DCLK2: variants seen among roughly 807,000 people sequenced by gnomAD.
DCLK2 encodes doublecortin like kinase 2, also known as serine/threonine-protein kinase DCLK2.
A neutral mutation model predicts 78.4 loss-of-function variants in DCLK2; 31 were observed. The ratio of observed to expected loss-of-function variants is 0.40; its 90% CI spans 0.30 to 0.53. The LOEUF is 0.53. DCLK2 is among the 20% of genes least tolerant of loss of function. The pLI, the probability that DCLK2 is intolerant of heterozygous loss-of-function variation, is 0.61. For missense variants in DCLK2, 872 were observed against 973.7 expected, an observed-to-expected ratio of 0.90 and a Z score of 1.39; for synonymous variants, 407 against 374.9, an observed-to-expected ratio of 1.09 and a Z score of -0.99.
At chr4:150,195,434 T>TAG (rs1491153176) in intron 3 of DCLK2, among the ~76,000 whole-genome samples, 121 of 6,756 alleles carry the variant, frequency 0.018, 26 homozygotes, top group African/African-American at 0.043. Flanking sequence ...TATTATATAT[T>TAG]ATATATATAA....
chr4:150,248,627 C>T (rs1364129934), intron 14 of DCLK2, among the ~76,000 whole-genome samples: 1 of 152,194 alleles, frequency 6.6e-6, no homozygotes, highest in African/African-American at 2.4e-5. Context: ...TTCTTGGCCC[C>T]AGTTTCCTTA....
chr4:150,112,023 TA>T (rs1731732050), intron 2 of DCLK2, among the ~76,000 whole-genome samples: 1 of 152,194 alleles, frequency 6.6e-6, no homozygotes, highest in Non-Finnish European at 1.5e-5. Context: ...GGTATTTTCA[TA>T]AAAATAGCGT....
chr4:150,137,516 C>T (rs1040911668), intron 2 of DCLK2, among the ~76,000 whole-genome samples: 3 of 152,118 alleles, frequency 2.0e-5, no homozygotes, highest in Non-Finnish European at 4.4e-5. Context: ...GTGAATAGTG[C>T]AATCTCTCAT....
chr4:150,107,378 G>GTTTTTTTTT (rs201080236), intron 2 of DCLK2, among the ~76,000 whole-genome samples: 3 of 125,178 alleles, frequency 2.4e-5, no homozygotes, highest in South Asian at 2.7e-4. Context: ...TTTGGTTATT[G>GTTTTTTTTT]TTTTTTTTTT....
intron 2 of DCLK2, among the ~76,000 whole-genome samples, chr4:150,135,136 A>G (rs2150203760): frequency 6.7e-6 from 1 of 149,710 alleles, no homozygotes; most frequent in Admixed American, 6.7e-5. Flanking sequence ...GGAGCAGTGG[A>G]AAAAAAACAC....
intron 2 of DCLK2, among the ~76,000 whole-genome samples, chr4:150,130,971 G>T (rs1426257074): frequency 6.6e-6 from 1 of 152,152 alleles, no homozygotes. Context: ...GCCACTAAAT[G>T]TTGAACAAAT....
intron 2 of DCLK2, among the ~76,000 whole-genome samples, chr4:150,136,278 G>A (rs918447136): frequency 2.6e-5 from 4 of 152,228 alleles, no homozygotes; most frequent in African/African-American, 9.6e-5. Flanking sequence ...CGGTCCCTCT[G>A]AATGATAAAG....
chr4:150,177,582 C>G (rs940508456), intron 2 of DCLK2, among the ~76,000 whole-genome samples: 1 of 152,108 alleles, frequency 6.6e-6, no homozygotes, highest in Non-Finnish European at 1.5e-5. Context: ...AAGAATTTAT[C>G]TTTGCAGTTT....
intron 4 of DCLK2, among the ~76,000 whole-genome samples, chr4:150,199,618 A>G (rs1368826634): frequency 6.6e-6 from 1 of 152,240 alleles, no homozygotes; most frequent in Non-Finnish European, 1.5e-5. Flanking sequence ...CTAGAGTTAT[A>G]GACTCAACCT....
intron 2 of DCLK2, among the ~76,000 whole-genome samples, chr4:150,138,109 T>G (rs1733825755): frequency 6.6e-6 from 1 of 152,250 alleles, no homozygotes; most frequent in South Asian, 2.1e-4. Flanking sequence ...GGTTAGTTAT[T>G]AAGCAATAAA....
chr4:150,117,264 C>T (rs760939495), intron 2 of DCLK2, among the ~76,000 whole-genome samples: 5 of 152,102 alleles, frequency 3.3e-5, no homozygotes, highest in Admixed American at 6.5e-5. Context: ...CCAGCTCCCA[C>T]GCACTTGGCA....
At chr4:150,087,462 G>A (rs1729728301) in intron 1 of DCLK2, among the ~76,000 whole-genome samples, 1 of 152,168 alleles carries the variant, frequency 6.6e-6, no homozygotes, top group Admixed American at 6.5e-5. Context: ...GGCCAAGGAG[G>A]TTTGCTGAAA....
intron 2 of DCLK2, among the ~76,000 whole-genome samples, chr4:150,128,681 G>C (rs996257418): frequency 6.6e-6 from 1 of 152,104 alleles, no homozygotes; most frequent in Non-Finnish European, 1.5e-5. Flanking sequence ...CTTTATTCCA[G>C]ATAGGAAGCA....
intron 2 of DCLK2, among the ~76,000 whole-genome samples, chr4:150,151,039 G>C (rs1359801919): frequency 6.6e-6 from 1 of 152,206 alleles, no homozygotes; most frequent in African/African-American, 2.4e-5. Context: ...TGCCCTGCTT[G>C]TCGCCAGCTC....
intron 2 of DCLK2, 70 bp downstream of exon 2, chr4:150,102,882 C>T: frequency 7.2e-7 from 1 of 1,394,002 alleles, no homozygotes; most frequent in Non-Finnish European, 9.6e-7. Context: ...GCTACATAGT[C>T]AACAATAGAA....
intron 10 of DCLK2, among the ~76,000 whole-genome samples, chr4:150,235,685 A>G (rs1742447402): frequency 1.3e-5 from 2 of 152,308 alleles, no homozygotes; most frequent in African/African-American, 4.8e-5. Context: ...ATCACTTGGC[A>G]GTTTCTAGAT....
chr4:150,219,723 A>T (rs933037171), intron 5 of DCLK2, among the ~76,000 whole-genome samples: 8 of 152,188 alleles, frequency 5.3e-5, no homozygotes, highest in Admixed American at 3.3e-4. Flanking sequence ...CACTGTTACT[A>T]CCTCCATTTT....
At chr4:150,147,640 A>G (rs1028328755) in intron 2 of DCLK2, among the ~76,000 whole-genome samples, 7 of 147,844 alleles carry the variant, frequency 4.7e-5, no homozygotes, top group Non-Finnish European at 7.5e-5. Flanking sequence ...ATTCAGTCCC[A>G]TTATGTACAA....
intron 10 of DCLK2, 121 bp from the exon 11 acceptor site, chr4:150,239,621 A>T: frequency 7.7e-7 from 1 of 1,306,184 alleles, no homozygotes. Flanking sequence ...AATCACAAGG[A>T]GAGATTTCAT....
Sources: gnomAD v4.1 joint callset for allele counts (sites outside exome capture counted in the v4.1 genomes callset) on GRCh38, gnomAD v4.1.1 for gene constraint, MANE v1.5 for transcripts, NCBI Gene and HGNC (gene_info 2026-07-23, HGNC 2026-07-21) for gene names.